GAB2: variants seen among roughly 807,000 people sequenced by gnomAD.
GAB2 encodes GRB2 associated binding protein 2, also known as GRB2-associated-binding protein 2.
Under a neutral mutation model 65.5 loss-of-function variants are expected in GAB2, and 26 were observed. That is an observed-to-expected ratio of 0.40 (90% confidence interval 0.29 to 0.55). The LOEUF is 0.55. Among genes scored for constraint, GAB2 ranks in the 20% least tolerant of loss-of-function variants. The pLI is 0.53. For synonymous variants in GAB2, 321 were observed against 329.6 expected (o/e 0.97, Z 0.28); for missense variants, 884 against 875.8 (o/e 1.01, Z -0.12).
intron 1 of GAB2, among the ~76,000 whole-genome samples, chr11:78,351,346 G>A (rs371135634): frequency 1.3e-5 from 2 of 152,104 alleles, no homozygotes; most frequent in Admixed American, 6.5e-5. Context: ...ACTGCTCTAG[G>A]GGGCAGGGGA....
intron 1 of GAB2, among the ~76,000 whole-genome samples, chr11:78,324,389 T>C (rs1217351140): frequency 6.6e-6 from 1 of 152,156 alleles, no homozygotes; most frequent in Non-Finnish European, 1.5e-5. Context: ...TACTCACAAA[T>C]GTGCCTGGAT....
At chr11:78,403,121 T>C (rs1160427358) in intron 1 of GAB2, among the ~76,000 whole-genome samples, 1 of 152,240 alleles carries the variant, frequency 6.6e-6, no homozygotes, top group Non-Finnish European at 1.5e-5. Context: ...CCAGAGCTTT[T>C]AGAAGTAAAT....
At chr11:78,233,054 T>C (rs1405460514) in intron 3 of GAB2, among the ~76,000 whole-genome samples, 2 of 151,354 alleles carry the variant, frequency 1.3e-5, no homozygotes, top group Admixed American at 6.6e-5. Context: ...TTTTTTTTTT[T>C]TTGGTGACAA....
chr11:78,403,993 A>C (rs1857007729), intron 1 of GAB2, among the ~76,000 whole-genome samples: 1 of 152,232 alleles, frequency 6.6e-6, no homozygotes, highest in Admixed American at 6.5e-5. Context: ...GGAAGCCCTC[A>C]CACATTGTTG....
At chr11:78,279,286 T>C (rs1455345118) in intron 2 of GAB2, among the ~76,000 whole-genome samples, 1 of 152,128 alleles carries the variant, frequency 6.6e-6, no homozygotes, top group Non-Finnish European at 1.5e-5. Context: ...AAAAAAACTA[T>C]TAAGAACTTC....
chr11:78,380,590 A>T (rs1245319406), intron 1 of GAB2, among the ~76,000 whole-genome samples: 2 of 152,184 alleles, frequency 1.3e-5, no homozygotes, highest in African/African-American at 4.8e-5. Flanking sequence ...CCTCTATAAC[A>T]TTGCCTAAAT....
Position 78,404,281 on chromosome 11 carries a change from G to T in GAB2, c.75+13365C>A, listed in dbSNP as rs1487847884. 2.6e-5 allele frequency among the ~76,000 whole-genome samples: 4 copies of T among 152,220 alleles called. No homozygotes were observed. In the East Asian group the frequency reaches 7.7e-4, roughly 29 times the overall value. On this transcript the variant is annotated intron_variant, in intron 1 of 9. Transcript: ENST00000361507. ...TTCAGGGCTGGGCACAGTGGCTCATGCCTTTAATCCCAGCACTTTAGGAGG... is the reference window on the plus strand; with the variant it reads ...TTCAGGGCTGGGCACAGTGGCTCATTCCTTTAATCCCAGCACTTTAGGAGG...
At chr11:78,349,442 G>A (rs1225364901) in intron 1 of GAB2, among the ~76,000 whole-genome samples, 1 of 152,194 alleles carries the variant, frequency 6.6e-6, no homozygotes, top group Non-Finnish European at 1.5e-5. Flanking sequence ...TGAGACAACA[G>A]GCTCAGAAAG....
At chr11:78,338,356 C>T (rs1856037195) in intron 1 of GAB2, among the ~76,000 whole-genome samples, 1 of 152,056 alleles carries the variant, frequency 6.6e-6, no homozygotes, top group Non-Finnish European at 1.5e-5. Flanking sequence ...CCTGGGAAAG[C>T]TTTTGCTTCT....
intron 3 of GAB2, among the ~76,000 whole-genome samples, chr11:78,230,676 A>C (rs1215870013): frequency 6.6e-6 from 1 of 152,240 alleles, no homozygotes; most frequent in Non-Finnish European, 1.5e-5. Flanking sequence ...ATGTTGAGGG[A>C]GACTGATTAT....
chr11:78,399,540 T>C (rs1856943684), intron 1 of GAB2, among the ~76,000 whole-genome samples: 1 of 152,226 alleles, frequency 6.6e-6, no homozygotes, highest in Non-Finnish European at 1.5e-5. Flanking sequence ...GTGGTTTAAT[T>C]TCCCTTCCAT....
intron 1 of GAB2, among the ~76,000 whole-genome samples, chr11:78,338,446 G>C (rs544888752): frequency 2.0e-5 from 3 of 152,056 alleles, no homozygotes; most frequent in Non-Finnish European, 2.9e-5. Flanking sequence ...TTGCAACACT[G>C]ACTGTCTACA....
At chr11:78,277,700 A>T (rs1866213952) in intron 2 of GAB2, among the ~76,000 whole-genome samples, 1 of 152,246 alleles carries the variant, frequency 6.6e-6, no homozygotes, top group Non-Finnish European at 1.5e-5. Context: ...AGGCCACTGC[A>T]CATGCAGATA....
chr11:78,381,674 T>TA (rs35326292), intron 1 of GAB2, among the ~76,000 whole-genome samples: 28,694 of 145,394 alleles, frequency 0.2, 2,932 homozygotes, highest in East Asian at 0.41. Context: ...GGTAAATAGA[T>TA]AAAAAAAAAA....
intron 1 of GAB2, among the ~76,000 whole-genome samples, chr11:78,315,468 C>T (rs1230261475): frequency 1.3e-5 from 2 of 152,016 alleles, no homozygotes; most frequent in African/African-American, 2.4e-5. Flanking sequence ...AACTGGATAT[C>T]CACATGTAAA....
intron 5 of GAB2, among the ~76,000 whole-genome samples, chr11:78,224,905 A>G (rs1864577462): frequency 6.6e-6 from 1 of 152,114 alleles, no homozygotes; most frequent in African/African-American, 2.4e-5. Context: ...CTACCTTAGC[A>G]CATACATTTC....
At chr11:78,310,527 A>G (rs1048264536) in intron 1 of GAB2, among the ~76,000 whole-genome samples, 7 of 150,644 alleles carry the variant, frequency 4.6e-5, no homozygotes, top group African/African-American at 1.7e-4. Context: ...AAAAAAAAAA[A>G]AAAGAAAAAA....
chr11:78,377,937 A>G (rs73502909), intron 1 of GAB2, among the ~76,000 whole-genome samples: 4,193 of 152,258 alleles, frequency 0.028, 167 homozygotes, highest in African/African-American at 0.089. Flanking sequence ...TTTCTCATGG[A>G]GGAAATTGCT....
intron 1 of GAB2, among the ~76,000 whole-genome samples, chr11:78,365,797 A>G (rs190946206): frequency 2.0e-5 from 3 of 152,322 alleles, no homozygotes; most frequent in African/African-American, 4.8e-5. Context: ...ATAACTTAAG[A>G]AACACTTCCC....
Sources: allele counts gnomAD v4.1 joint callset (sites outside exome capture counted in the v4.1 genomes callset), GRCh38; gene constraint gnomAD v4.1.1; transcripts MANE v1.5; gene names NCBI Gene and HGNC (gene_info 2026-07-23, HGNC 2026-07-21).